The following DNAAF8 variants were observed in gnomAD, a reference collection of about 807,000 sequenced individuals.
The protein encoded by DNAAF8 is dynein axonemal assembly factor 8.
Under a neutral mutation model 54.6 loss-of-function variants are expected in DNAAF8, and 61 were observed. That is an observed-to-expected ratio of 1.12 (90% CI 0.91 to 1.38). DNAAF8 has a LOEUF of 1.38. Among genes scored for constraint, DNAAF8 ranks in the 40% most tolerant of loss-of-function variants. DNAAF8 has a pLI of 0.00. For missense variants in DNAAF8, 837 were observed against 665.0 expected (o/e 1.26, Z -2.85); for synonymous variants, 320 against 270.1 (o/e 1.18, Z -1.81).
rs1230585277 is a variant in DNAAF8, at chr16:4,743,147, C to T, written c.888C>T (p.His296=). 3.7e-6 allele frequency: 6 copies of T among 1,603,190 alleles called. No homozygotes were observed. Among genetic ancestry groups the T allele is most frequent in the Non-Finnish European group, 5.1e-6 (6 of 1,173,466 alleles). Residue 296 remains histidine (H), a synonymous_variant, in exon 5 of 10, where the codon CAC becomes CAT. Coordinates refer to ENST00000299320, the MANE Select transcript of DNAAF8 (RefSeq NM_139170.3). ...GAACTGTGTGGTGGGCAGCTGACCA[C>T]CGCCAAGTTCAAGGTCTGACCTTGA... ...APGTVWWAAD[H]RQVQDRMVPS...
chr16:4,745,702 G>A (rs1402830596), intron 6 of DNAAF8, among the ~76,000 whole-genome samples: 1 of 152,180 alleles, frequency 6.6e-6, no homozygotes, highest in African/African-American at 2.4e-5. Flanking sequence ...TATAATCCCG[G>A]CACTTTGGAA....
chr16:4,747,308 C>A (rs376752805), intron 8 of DNAAF8, 35 bp from the exon 9 acceptor site: 2 of 1,525,670 alleles, frequency 1.3e-6, no homozygotes, highest in Non-Finnish European at 1.8e-6. Flanking sequence ...GCGGCCCCCA[C>A]GGGGTTGAGT....
chr16:4,742,324 G>A (rs1469643481), intron 4 of DNAAF8, among the ~76,000 whole-genome samples: 1 of 152,074 alleles, frequency 6.6e-6, no homozygotes, highest in Non-Finnish European at 1.5e-5. Context: ...GGAGACCCAG[G>A]CAGATGGATT....
intron 4 of DNAAF8, among the ~76,000 whole-genome samples, chr16:4,741,673 G>A (rs369043446): frequency 3.3e-5 from 5 of 152,158 alleles, no homozygotes; most frequent in African/African-American, 7.2e-5. Flanking sequence ...GGTGGTGCGC[G>A]CCTGTAGTCC....
intron 9 of DNAAF8, 58 bp downstream of exon 9, chr16:4,747,692 C>T (rs1327118518): frequency 3.3e-6 from 5 of 1,501,032 alleles, no homozygotes; most frequent in East Asian, 2.4e-5. Context: ...CCCTGGGCCC[C>T]GGTGTCCCCT....
rs765725967 is a variant in DNAAF8, at chr16:4,737,867, C to T, written c.197C>T (p.Ser66Leu). The T allele has an allele frequency of 1.2e-5, 20 of 1,614,038 alleles. No individual in the cohort carries two copies. The highest frequency in any genetic ancestry group is 1.7e-5 in the Admixed American group (1 of 60,012). Reference sequence around the variant, plus strand: ...CAAACCTCCCTGATTCCAGACCTGTCGGAGGAGCTGGCTGAAGATCCTGCC... The same window carrying T: ...CAAACCTCCCTGATTCCAGACCTGTTGGAGGAGCTGGCTGAAGATCCTGCC... ...RNQTSLIPDLSEELAEDPADG... is the reference protein window; with the variant it reads ...RNQTSLIPDLLEELAEDPADG... Residue 66 changes from serine to leucine, a missense_variant, in exon 3 of 10, where the codon TCG becomes TTG. Transcript: ENST00000299320.
At chr16:4,746,649 G>C in intron 7 of DNAAF8, 137 bp downstream of exon 7, 1 of 1,232,816 alleles carries the variant, frequency 8.1e-7, no homozygotes, top group Non-Finnish European at 1.1e-6. Context: ...ATTGAAAAGT[G>C]CTGGCCTACA....
chr16:4,742,760 C>T (rs1263246410), intron 4 of DNAAF8, among the ~76,000 whole-genome samples: 2 of 152,056 alleles, frequency 1.3e-5, no homozygotes, highest in East Asian at 1.9e-4. Flanking sequence ...GGGTTTCCTT[C>T]GGGTCAGACA....
chr16:4,744,669 A>T lies in DNAAF8; in HGVS notation c.902-201A>T, dbSNP rs1039238934. ...CCCTTGTGCCACAGGCCCTGCTCAT[A>T]AAGATTCTGCCCCCCTCAGCCCTGC... is the stretch of plus-strand genomic sequence containing the variant. On this transcript the variant is annotated intron_variant, in intron 5 of 9. Transcript: ENST00000299320. 2.0e-5 allele frequency among the ~76,000 whole-genome samples: 3 copies of T among 152,144 alleles called. No homozygotes were observed. The South Asian group carries it at 6.2e-4, about 31-fold the overall frequency.
intron 3 of DNAAF8, 149 bp downstream of exon 3, chr16:4,738,095 C>A: frequency 9.9e-7 from 1 of 1,008,066 alleles, no homozygotes; most frequent in Non-Finnish European, 1.4e-6. Flanking sequence ...TATTCAGATG[C>A]CCAACATCTA....
intron 5 of DNAAF8, chr16:4,743,405 G>GCACCC (rs34827786): frequency 6.2e-5 from 24 of 385,456 alleles, no homozygotes; most frequent in Non-Finnish European, 9.2e-5. Context: ...AGAGGCCTCC[G>GCACCC]CACCCCACCC....
At chr16:4,746,081 A>C (rs1215546498) in intron 6 of DNAAF8, 1 of 302,066 alleles carries the variant, frequency 3.3e-6, no homozygotes. Context: ...TGAATGTTTT[A>C]TGCATTGGAT....
At chr16:4,736,396 A>G (rs2081902019) in intron 1 of DNAAF8, 68 bp from the exon 2 acceptor site, 1 of 1,187,738 alleles carries the variant, frequency 8.4e-7, no homozygotes. Context: ...TACAGCTGGT[A>G]GAGCAGCCCC....
intron 7 of DNAAF8, 159 bp from the exon 8 acceptor site, chr16:4,746,768 A>T: frequency 1.3e-6 from 1 of 761,080 alleles, no homozygotes; most frequent in Non-Finnish European, 2.1e-6. Context: ...CATCACCCAC[A>T]CCTGTCCTCA....
At chr16:4,742,908 G>A in intron 4 of DNAAF8, 135 bp from the exon 5 acceptor site, 1 of 772,454 alleles carries the variant, frequency 1.3e-6, no homozygotes, top group East Asian at 2.6e-5. Flanking sequence ...TGCAAACTCT[G>A]TCATGCACTG....
At chr16:4,738,004 C>G (rs751998328) in intron 3 of DNAAF8, 58 bp downstream of exon 3, 1 of 1,564,242 alleles carries the variant, frequency 6.4e-7, no homozygotes, top group Admixed American at 1.7e-5. Flanking sequence ...TCTAAACTGA[C>G]TGGTCTAAAC....
In DNAAF8 at chr16:4,746,458, C is replaced by A; in HGVS notation, c.1127C>A (p.Thr376Asn). ...ATGAGGCTTAACGCAGAGTCCCCCA[C>A]CATCTTTATTGACCTGCGGCAGATG... ...QGMRLNAESP[T>N]IFIDLRQMEL... Residue 376 changes from threonine (T) to asparagine (N), a missense_variant, in exon 7 of 10, where the codon ACC (threonine) becomes AAC (asparagine). By Grantham distance (65) the Thr-to-Asn change is moderately conservative. Coordinates refer to ENST00000299320, the MANE Select transcript of DNAAF8 (RefSeq NM_139170.3). 1 of 1,613,846 alleles carries A rather than the reference C, an allele frequency of 6.2e-7. No individual in the cohort carries two copies. Among genetic ancestry groups the A allele is most frequent in the East Asian group, 2.2e-5 (1 of 44,894 alleles).
At position 4,747,647 on chromosome 16, in the gene DNAAF8, C is replaced by A; in HGVS notation, c.*9+13C>A. The A allele has an allele frequency of 6.3e-7, 1 of 1,585,936 alleles. No homozygotes were observed. The highest frequency in any genetic ancestry group is 8.6e-7 in the Non-Finnish European group (1 of 1,162,612). On this transcript the variant is annotated intron_variant, in intron 9 of 9. Transcript: ENST00000299320. Reference sequence around the variant, plus strand: ...ATAGCTGCCTCAGGTAGTGGGATCCCAGGAGTGGGCAGGGGCGGGCTGACT... The same window carrying A: ...ATAGCTGCCTCAGGTAGTGGGATCCAAGGAGTGGGCAGGGGCGGGCTGACT...
At chr16:4,741,217 G>C (rs1419915423) in intron 4 of DNAAF8, among the ~76,000 whole-genome samples, 1 of 141,280 alleles carries the variant, frequency 7.1e-6, no homozygotes, top group Non-Finnish European at 1.5e-5. Flanking sequence ...CTGGGTGACA[G>C]AGCGAGACTC....
Sources: gnomAD v4.1 joint callset for allele counts (sites outside exome capture counted in the v4.1 genomes callset) on GRCh38, gnomAD v4.1.1 for gene constraint, MANE v1.5 for transcripts, NCBI Gene and HGNC (gene_info 2026-07-23, HGNC 2026-07-21) for gene names.